Variants in PRKG1 observed in about 807,000 individuals in gnomAD.
The protein encoded by PRKG1 is cGMP-dependent protein kinase 1.
Under a neutral mutation model 88.1 loss-of-function variants are expected in PRKG1, and 35 were observed. The observed-to-expected ratio is 0.40, with a 90% CI of 0.30 to 0.53. PRKG1 has a LOEUF of 0.53. Ranked by LOEUF, PRKG1 falls within the 20% of genes least tolerant of loss-of-function variation. The probability of loss-of-function intolerance (pLI) is 0.59; values close to 1 mark genes in which losing one functional copy is unlikely to be tolerated. For synonymous variants in PRKG1, 303 were observed against 292.5 expected, an observed-to-expected ratio of 1.04 and a Z score of -0.37; for missense variants, 540 against 839.8, an observed-to-expected ratio of 0.64 and a Z score of 4.41.
At chr10:52,141,998 A>G (rs1249037690) in intron 8 of PRKG1, among the ~76,000 whole-genome samples, 2 of 152,180 alleles carry the variant, frequency 1.3e-5, no homozygotes, top group East Asian at 3.8e-4. Flanking sequence ...TTTGAGTCCC[A>G]GAAGTGTCAG....
chr10:51,646,362 G>A (rs1428026036), intron 3 of PRKG1, among the ~76,000 whole-genome samples: 2 of 152,046 alleles, frequency 1.3e-5, no homozygotes, highest in Non-Finnish European at 2.9e-5. Context: ...ATTTAGACTA[G>A]CTTTCTCCTC....
At position 52,224,167 on chromosome 10, in the gene PRKG1, G is replaced by A. The variant is rs376642563; in HGVS notation, c.1077-27403G>A. Among the ~76,000 whole-genome samples the A allele has an allele frequency of 1.6e-4, 24 of 152,148 alleles. No individual in the cohort carries two copies. The South Asian group carries it at 1.9e-3, about 12-fold the overall frequency. Reference sequence around the variant, plus strand: ...ACTTGCACCCCTTTCTCCACCTTGCGTCCCATCTCATTGCTTCCTCTTCTC... The same window carrying A: ...ACTTGCACCCCTTTCTCCACCTTGCATCCCATCTCATTGCTTCCTCTTCTC... On this transcript the variant is annotated intron_variant, in intron 9 of 17. Transcript: ENST00000373980.
intron 5 of PRKG1, among the ~76,000 whole-genome samples, chr10:52,027,439 G>C (rs559202832): frequency 3.3e-5 from 5 of 151,652 alleles, no homozygotes; most frequent in South Asian, 2.1e-4. Flanking sequence ...TGCTGCTTCA[G>C]AATCACTCAC....
At chr10:52,291,483 C>T (rs12244698) in intron 17 of PRKG1, among the ~76,000 whole-genome samples, 1 of 146,638 alleles carries the variant, frequency 6.8e-6, no homozygotes, top group Non-Finnish European at 1.5e-5. Flanking sequence ...TCAGTTCCCA[C>T]CTATGAGTGA....
At chr10:51,921,221 C>T (rs959700523) in intron 5 of PRKG1, among the ~76,000 whole-genome samples, 12 of 152,020 alleles carry the variant, frequency 7.9e-5, no homozygotes, top group East Asian at 3.8e-4. Context: ...ATTATTCATG[C>T]GAGTATATAG....
At chr10:51,912,949 G>A (rs1316923027) in intron 5 of PRKG1, among the ~76,000 whole-genome samples, 1 of 151,814 alleles carries the variant, frequency 6.6e-6, no homozygotes, top group Non-Finnish European at 1.5e-5. Context: ...ATTTTTTTGA[G>A]ATGAAATCTC....
chr10:51,741,349 T>C (rs74132586), intron 3 of PRKG1, among the ~76,000 whole-genome samples: 2,170 of 152,160 alleles, frequency 0.014, 57 homozygotes, highest in African/African-American at 0.049. Context: ...ATAATGTTAT[T>C]GACAGGCTTT....
At chr10:51,332,424 G>A (rs1257114563) in intron 2 of PRKG1, among the ~76,000 whole-genome samples, 1 of 152,152 alleles carries the variant, frequency 6.6e-6, no homozygotes, top group Non-Finnish European at 1.5e-5. Context: ...AAATCACACT[G>A]AGGAAGGTGA....
intron 2 of PRKG1, among the ~76,000 whole-genome samples, chr10:51,403,743 A>G (rs1440386128): frequency 6.6e-6 from 1 of 152,192 alleles, no homozygotes; most frequent in Non-Finnish European, 1.5e-5. Context: ...AGATACAGGA[A>G]AGGAGGTAGA....
intron 9 of PRKG1, chr10:52,230,910 AC>A (rs1840505477): frequency 6.6e-6 from 1 of 152,224 alleles, no homozygotes; most frequent in Non-Finnish European, 1.5e-5. Context: ...ATGTTCTGCT[AC>A]ATAGATTATG....
intron 1 of PRKG1, among the ~76,000 whole-genome samples, chr10:51,020,770 C>T (rs768824308): frequency 2.0e-5 from 3 of 152,162 alleles, no homozygotes; most frequent in African/African-American, 7.2e-5. Context: ...CCCATAAAAG[C>T]AGTCTTCTCA....
At chr10:52,141,835 G>A (rs1479498659) in intron 8 of PRKG1, among the ~76,000 whole-genome samples, 1 of 152,106 alleles carries the variant, frequency 6.6e-6, no homozygotes, top group Non-Finnish European at 1.5e-5. Context: ...ACAAACCAGA[G>A]CTTACCAAGC....
intron 8 of PRKG1, among the ~76,000 whole-genome samples, chr10:52,157,834 C>T (rs1194731947): frequency 2.0e-5 from 3 of 151,360 alleles, no homozygotes; most frequent in African/African-American, 7.3e-5. Context: ...TCCTTCCCCA[C>T]CTGACAAGTA....
intron 3 of PRKG1, among the ~76,000 whole-genome samples, chr10:51,760,934 G>T (rs896409706): frequency 3.0e-4 from 45 of 152,220 alleles, no homozygotes; most frequent in Non-Finnish European, 5.3e-4. Flanking sequence ...AGCCAACATG[G>T]TGAAATGCTG....
intron 2 of PRKG1, among the ~76,000 whole-genome samples, chr10:51,231,926 G>A (rs1313389888): frequency 6.6e-6 from 1 of 152,148 alleles, no homozygotes. Flanking sequence ...GAGGTTTTAT[G>A]TCTTTTTGGT....
At chr10:51,536,786 G>T (rs546566948) in intron 3 of PRKG1, among the ~76,000 whole-genome samples, 1 of 149,982 alleles carries the variant, frequency 6.7e-6, no homozygotes, top group South Asian at 2.1e-4. Flanking sequence ...ATCTCCTAAC[G>T]CTATCCCTCA....
chr10:51,961,570 T>C (rs1843448740), intron 5 of PRKG1, among the ~76,000 whole-genome samples: 1 of 152,178 alleles, frequency 6.6e-6, no homozygotes, highest in Non-Finnish European at 1.5e-5. Context: ...ACAGTAGAGA[T>C]GGATGTGGTA....
intron 3 of PRKG1, among the ~76,000 whole-genome samples, chr10:51,470,736 A>G (rs1460784176): frequency 1.3e-5 from 2 of 151,936 alleles, no homozygotes; most frequent in Admixed American, 1.3e-4. Flanking sequence ...AGATTAGGTT[A>G]TCAAGAAGTA....
chr10:51,737,787 G>A (rs976664034), intron 3 of PRKG1, among the ~76,000 whole-genome samples: 2 of 144,826 alleles, frequency 1.4e-5, no homozygotes, highest in Non-Finnish European at 3.0e-5. Flanking sequence ...TTCTGAGATG[G>A]AGTTTCACTC....
Sources: allele counts gnomAD v4.1 joint callset (sites outside exome capture counted in the v4.1 genomes callset), GRCh38; gene constraint gnomAD v4.1.1; transcripts MANE v1.5; gene names NCBI Gene and HGNC (gene_info 2026-07-23, HGNC 2026-07-21).